The following NRXN1 variants were observed in gnomAD, a reference collection of about 807,000 sequenced individuals.
NRXN1 encodes the protein neurexin-1.
A neutral mutation model predicts 150.9 loss-of-function variants in NRXN1; 39 were observed. That is an observed-to-expected ratio of 0.26 (90% confidence interval 0.20 to 0.34). The LOEUF (loss-of-function observed/expected upper bound fraction) is 0.34. Ranked by LOEUF, NRXN1 falls within the 10% of genes least tolerant of loss-of-function variation. The pLI is 1.00. For synonymous variants in NRXN1, 924 were observed against 757.0 expected, an observed-to-expected ratio of 1.22 and a Z score of -3.62; for missense variants, 1,815 against 1,949.9, an observed-to-expected ratio of 0.93 and a Z score of 1.30.
intron 18 of NRXN1, among the ~76,000 whole-genome samples, chr2:50,207,979 C>A (rs1278620646): frequency 2.0e-5 from 3 of 152,042 alleles, no homozygotes; most frequent in African/African-American, 4.8e-5. Flanking sequence ...CTCTTCTTAG[C>A]CCTTGGGTGA....
intron 5 of NRXN1, among the ~76,000 whole-genome samples, chr2:50,701,237 CTG>C (rs1191738164): frequency 1.3e-5 from 2 of 152,116 alleles, no homozygotes; most frequent in African/African-American, 4.8e-5. Context: ...CTCATCATCT[CTG>C]TCTCTTATCT....
At chr2:50,924,910 T>A (rs1011126204) in intron 3 of NRXN1, among the ~76,000 whole-genome samples, 4 of 151,756 alleles carry the variant, frequency 2.6e-5, no homozygotes, top group African/African-American at 9.7e-5. Context: ...GCTATTTATC[T>A]GTAACCTGGG....
chr2:50,795,693 C>A (rs1706724250), intron 5 of NRXN1, among the ~76,000 whole-genome samples: 1 of 152,102 alleles, frequency 6.6e-6, no homozygotes, highest in African/African-American at 2.4e-5. Flanking sequence ...ACACAATTCT[C>A]CTCCATGTGG....
intron 8 of NRXN1, among the ~76,000 whole-genome samples, chr2:50,561,787 C>T (rs1052753032): frequency 1.4e-5 from 2 of 143,434 alleles, no homozygotes; most frequent in Non-Finnish European, 3.0e-5. Flanking sequence ...GCAGTAATTT[C>T]CCCCAATGAT....
chr2:50,771,569 A>G (rs1703012109), intron 5 of NRXN1, among the ~76,000 whole-genome samples: 1 of 152,076 alleles, frequency 6.6e-6, no homozygotes, highest in Non-Finnish European at 1.5e-5. Flanking sequence ...GGTAAGAAAC[A>G]AGCAAAAACA....
intron 8 of NRXN1, among the ~76,000 whole-genome samples, chr2:50,617,184 A>T (rs1406251492): frequency 6.6e-6 from 1 of 152,076 alleles, no homozygotes; most frequent in East Asian, 1.9e-4. Flanking sequence ...CACGACACCC[A>T]GCACGTTGGG....
intron 4 of NRXN1, 65 bp downstream of exon 4, chr2:50,922,593 G>C (rs995893876): frequency 1.0e-4 from 157 of 1,524,356 alleles, no homozygotes; most frequent in Non-Finnish European, 1.3e-4. Context: ...TGCAGTGATG[G>C]TTTGAAAGCA....
intron 5 of NRXN1, among the ~76,000 whole-genome samples, chr2:50,679,461 A>G (rs1690041519): frequency 6.6e-6 from 1 of 151,470 alleles, no homozygotes; most frequent in Non-Finnish European, 1.5e-5. Context: ...CTCTCCCAGA[A>G]TCAAGATTTT....
At position 51,027,525 on chromosome 2, in the gene NRXN1, A is replaced by T. The variant is rs200646155; in HGVS notation, c.749T>A (p.Phe250Tyr). 158 of 1,550,970 alleles carry T rather than the reference A, an allele frequency of 1.0e-4. No individual in the cohort carries two copies. Among genetic ancestry groups the T allele is most frequent in the Non-Finnish European group, 1.3e-4 (149 of 1,144,712 alleles). Residue 250 changes from phenylalanine (F) to tyrosine (Y), a missense_variant, in exon 2 of 23, where the codon TTC becomes TAC. Phe to Tyr is a conservative substitution (Grantham distance 22). Around this residue, in one of 6 missense-constraint regions of NRXN1, gnomAD observed 554 missense variants for 478.8 expected, o/e 1.16. Transcript: ENST00000401669. ...QAVCDCSRTG[F>Y]RGKDCSQEDN... Reference sequence around the variant, plus strand: ...ACCTTGGCTGCAGTCCTTGCCGCGGAAGCCGGTTCGCGAGCAGTCGCACAC... The same window carrying T: ...ACCTTGGCTGCAGTCCTTGCCGCGGTAGCCGGTTCGCGAGCAGTCGCACAC...
At chr2:50,074,057 A>T (rs1056451119) in intron 19 of NRXN1, among the ~76,000 whole-genome samples, 1 of 152,110 alleles carries the variant, frequency 6.6e-6, no homozygotes, top group Non-Finnish European at 1.5e-5. Context: ...ATAACCATAG[A>T]TGCTTTATTT....
At chr2:50,268,621 C>T (rs938426723) in intron 17 of NRXN1, among the ~76,000 whole-genome samples, 2 of 152,150 alleles carry the variant, frequency 1.3e-5, no homozygotes, top group Non-Finnish European at 2.9e-5. Context: ...CGATTCCTTC[C>T]TTTTCTGAAT....
chr2:50,664,742 T>A (rs994921328), intron 5 of NRXN1, among the ~76,000 whole-genome samples: 1 of 150,908 alleles, frequency 6.6e-6, no homozygotes, highest in Admixed American at 6.6e-5. Context: ...GATAAAGCTT[T>A]AGGTTGACAT....
chr2:50,530,094 T>G (rs2093058880), intron 11 of NRXN1, among the ~76,000 whole-genome samples: 1 of 152,184 alleles, frequency 6.6e-6, no homozygotes, highest in African/African-American at 2.4e-5. Flanking sequence ...TCTCTGTTTA[T>G]TCATTTCTAT....
At chr2:50,853,392 G>T (rs1336923720) in intron 5 of NRXN1, among the ~76,000 whole-genome samples, 1 of 152,054 alleles carries the variant, frequency 6.6e-6, no homozygotes, top group African/African-American at 2.4e-5. Flanking sequence ...ATTTGAAGTG[G>T]AACAGGTCAC....
At chr2:50,011,675 C>T (rs755878501) in intron 21 of NRXN1, among the ~76,000 whole-genome samples, 1 of 152,008 alleles carries the variant, frequency 6.6e-6, no homozygotes, top group Non-Finnish European at 1.5e-5. Context: ...ACATTGAGAT[C>T]TCTAGGTATA....
intron 5 of NRXN1, among the ~76,000 whole-genome samples, chr2:50,821,673 T>C (rs1257427131): frequency 6.6e-6 from 1 of 152,104 alleles, no homozygotes; most frequent in Non-Finnish European, 1.5e-5. Context: ...ATGTACTGAA[T>C]TATCCATTAC....
At chr2:50,745,715 G>T (rs1324264858) in intron 5 of NRXN1, among the ~76,000 whole-genome samples, 1 of 152,058 alleles carries the variant, frequency 6.6e-6, no homozygotes, top group Non-Finnish European at 1.5e-5. Flanking sequence ...CATGGCAGCA[G>T]GAGACAGAAG....
intron 5 of NRXN1, among the ~76,000 whole-genome samples, chr2:50,676,359 A>C (rs902747910): frequency 3.3e-5 from 5 of 152,158 alleles, no homozygotes; most frequent in Non-Finnish European, 1.5e-5. Context: ...AGCAATGCAA[A>C]CAGACTAACA....
intron 2 of NRXN1, among the ~76,000 whole-genome samples, chr2:51,024,827 T>A (rs1670174973): frequency 6.6e-6 from 1 of 152,148 alleles, no homozygotes; most frequent in Non-Finnish European, 1.5e-5. Flanking sequence ...ACTTGTCTGT[T>A]TTTTTCCCTA....
Sources: allele counts gnomAD v4.1 joint callset (sites outside exome capture counted in the v4.1 genomes callset), GRCh38; gene constraint gnomAD v4.1.1; regional missense constraint gnomAD v4.1.1; transcripts MANE v1.5; gene names NCBI Gene and HGNC (gene_info 2026-07-23, HGNC 2026-07-21).